The following SIL1 variants were observed in gnomAD, a reference collection of about 807,000 sequenced individuals.
SIL1 encodes the protein nucleotide exchange factor SIL1.
SIL1 carries 40 observed loss-of-function variants against 49.1 expected under a neutral mutation model. The observed-to-expected ratio is 0.81, with a 90% CI of 0.63 to 1.06. SIL1 has a LOEUF of 1.06. SIL1 is among the 50% of genes least tolerant of loss of function. SIL1 has a pLI of 0.00. For synonymous variants in SIL1, 253 were observed against 250.8 expected (o/e 1.01, Z -0.08); for missense variants, 500 against 572.6 (o/e 0.87, Z 1.29).
At chr5:139,055,722 C>A (rs932683011) in intron 3 of SIL1, among the ~76,000 whole-genome samples, 1 of 149,848 alleles carries the variant, frequency 6.7e-6, no homozygotes, top group Non-Finnish European at 1.5e-5. Context: ...TGATGCCTAG[C>A]CGAAGCTGGA....
chr5:139,018,280 T>C (rs545825195), intron 7 of SIL1, among the ~76,000 whole-genome samples: 5 of 152,230 alleles, frequency 3.3e-5, no homozygotes, highest in African/African-American at 1.2e-4. Context: ...GGCAAATAAA[T>C]GCCCTCAATG....
intron 1 of SIL1, among the ~76,000 whole-genome samples, chr5:139,148,221 T>A (rs142660951): frequency 1.9e-4 from 29 of 151,232 alleles, no homozygotes; most frequent in African/African-American, 6.6e-4. Flanking sequence ...GTACAGGGGG[T>A]ACACAATAGG....
intron 1 of SIL1, among the ~76,000 whole-genome samples, chr5:139,178,502 G>A (rs1751926336): frequency 6.6e-6 from 1 of 151,948 alleles, no homozygotes; most frequent in South Asian, 2.1e-4. Flanking sequence ...CACTCTCTGT[G>A]CTCCAACCAT....
At chr5:139,085,777 G>A (rs1451838792) in intron 3 of SIL1, among the ~76,000 whole-genome samples, 10 of 152,178 alleles carry the variant, frequency 6.6e-5, no homozygotes, top group Non-Finnish European at 1.5e-4. Flanking sequence ...GTGAGGATGA[G>A]GCTGGAAACA....
intron 1 of SIL1, among the ~76,000 whole-genome samples, chr5:139,170,736 G>A (rs2092934613): frequency 6.6e-6 from 1 of 151,686 alleles, no homozygotes; most frequent in Non-Finnish European, 1.5e-5. Context: ...GGGAAGTGAG[G>A]AGCGTCTCCG....
At chr5:139,144,462 T>C (rs1191591054) in intron 1 of SIL1, among the ~76,000 whole-genome samples, 2 of 152,210 alleles carry the variant, frequency 1.3e-5, no homozygotes, top group Non-Finnish European at 2.9e-5. Flanking sequence ...GATAAACATA[T>C]AGACCAATGG....
chr5:138,990,935 C>T (rs1231012708), intron 7 of SIL1, among the ~76,000 whole-genome samples: 2 of 152,236 alleles, frequency 1.3e-5, no homozygotes, highest in African/African-American at 4.8e-5. Context: ...AGGCTCGTCT[C>T]AAACTCCCAG....
intron 7 of SIL1, among the ~76,000 whole-genome samples, chr5:138,972,283 C>A (rs1182601551): frequency 6.6e-6 from 1 of 152,226 alleles, no homozygotes; most frequent in East Asian, 1.9e-4. Flanking sequence ...ATTACTTGTC[C>A]ACTGAGCCTG....
At chr5:139,152,608 G>A (rs1298268983) in intron 1 of SIL1, among the ~76,000 whole-genome samples, 5 of 148,224 alleles carry the variant, frequency 3.4e-5, no homozygotes, top group African/African-American at 1.3e-4. Flanking sequence ...GTGATAGAGT[G>A]AGACAACATC....
chr5:139,184,468 T>C (rs550083664), intron 1 of SIL1, among the ~76,000 whole-genome samples: 87 of 151,684 alleles, frequency 5.7e-4, no homozygotes, highest in Admixed American at 1.2e-3. Context: ...AGGCCAGGAG[T>C]TCAAGACCAG....
chr5:139,052,529 C>T (rs1171642528), intron 3 of SIL1, among the ~76,000 whole-genome samples: 2 of 152,100 alleles, frequency 1.3e-5, no homozygotes, highest in African/African-American at 4.8e-5. Context: ...ACTAAAAATA[C>T]AAAAATTAGC....
chr5:139,156,815 T>C (rs183793791), intron 1 of SIL1, among the ~76,000 whole-genome samples: 150 of 152,358 alleles, frequency 9.8e-4, no homozygotes, highest in Non-Finnish European at 2.5e-4. Flanking sequence ...TGACACTGAT[T>C]TCAGACTTCT....
At chr5:139,011,331 T>C (rs1356831457) in intron 7 of SIL1, among the ~76,000 whole-genome samples, 1 of 152,208 alleles carries the variant, frequency 6.6e-6, no homozygotes, top group Non-Finnish European at 1.5e-5. Context: ...TCCCGCACCG[T>C]GCGCGCACCC....
At chr5:139,099,573 C>T (rs1770542737) in intron 3 of SIL1, among the ~76,000 whole-genome samples, 1 of 151,950 alleles carries the variant, frequency 6.6e-6, no homozygotes, top group Non-Finnish European at 1.5e-5. Context: ...GGTACATATA[C>T]ACAATGGAAT....
chr5:139,110,504 A>G (rs534980305), intron 3 of SIL1, among the ~76,000 whole-genome samples: 1 of 152,344 alleles, frequency 6.6e-6, no homozygotes, highest in South Asian at 2.1e-4. Context: ...CTAAAACTCA[A>G]TCTTTGTTTG....
In SIL1 at chr5:138,947,393, CAGG is replaced by C. The variant is rs1766658717; in HGVS notation, c.1107_1109del (p.Leu370del). 6.2e-7 allele frequency: 1 copy of C among 1,613,586 alleles called. No homozygotes were observed. The highest frequency in any genetic ancestry group is 1.3e-5 in the African/African-American group (1 of 74,936). On this transcript the variant is annotated inframe_deletion, in exon 10 of 10. Transcript: ENST00000394817. The surrounding 1 kb of genome is among the most constrained non-coding windows in gnomAD (Gnocchi z 4.1). ...ACCAGCCCTGTTCCCACAGGCCTGG[CAGG>C]AGGTGTACCTGGCGATACTGCTGCA... is the stretch of plus-strand genomic sequence containing the variant.
chr5:139,083,543 T>C (rs1220761942), intron 3 of SIL1, among the ~76,000 whole-genome samples: 2 of 97,062 alleles, frequency 2.1e-5, no homozygotes, highest in Non-Finnish European at 4.1e-5. Flanking sequence ...TTTTTTCTTG[T>C]AAATTTGTTT....
chr5:138,971,846 G>A (rs1289912707), intron 7 of SIL1, among the ~76,000 whole-genome samples: 2 of 152,154 alleles, frequency 1.3e-5, no homozygotes, highest in African/African-American at 4.8e-5. Flanking sequence ...TGGCTTGAAG[G>A]AAGAGAGGTC....
chr5:139,129,684 A>AAG (rs1311054434), intron 1 of SIL1, among the ~76,000 whole-genome samples: 1 of 152,210 alleles, frequency 6.6e-6, no homozygotes, highest in Non-Finnish European at 1.5e-5. Context: ...AAATAATAAT[A>AAG]AGAGTACAGT....
Sources: gnomAD v4.1 joint callset for allele counts (sites outside exome capture counted in the v4.1 genomes callset) on GRCh38, gnomAD v4.1.1 for gene constraint, Gnocchi (gnomAD v3.1) non-coding constraint, MANE v1.5 for transcripts, NCBI Gene and HGNC (gene_info 2026-07-23, HGNC 2026-07-21) for gene names.